Variants in DCAF6 observed in about 807,000 individuals in gnomAD.
DCAF6 encodes the protein DDB1- and CUL4-associated factor 6.
Under a neutral mutation model 125.1 loss-of-function variants are expected in DCAF6, and 54 were observed. The observed-to-expected ratio is 0.43, with a 90% CI of 0.35 to 0.54. The LOEUF (loss-of-function observed/expected upper bound fraction) is 0.54, where lower values mean the gene tolerates loss of function less well. Ranked by LOEUF, DCAF6 falls within the 20% of genes least tolerant of loss-of-function variation. DCAF6 has a pLI of 0.01. For missense variants in DCAF6, 934 were observed against 1,161.7 expected, an observed-to-expected ratio of 0.80 and a Z score of 2.85; for synonymous variants, 371 against 390.4, an observed-to-expected ratio of 0.95 and a Z score of 0.58.
intron 1 of DCAF6, among the ~76,000 whole-genome samples, chr1:167,951,253 GAT>G (rs1374414305): frequency 6.6e-6 from 1 of 152,122 alleles, no homozygotes; most frequent in Non-Finnish European, 1.5e-5. Flanking sequence ...TTGTGGTCCA[GAT>G]ACTGTGCTAA....
intron 11 of DCAF6, among the ~76,000 whole-genome samples, chr1:168,016,743 A>G (rs1216543094): frequency 1.3e-5 from 2 of 152,128 alleles, no homozygotes; most frequent in Non-Finnish European, 2.9e-5. Context: ...TAGATACTGT[A>G]AATCCTATAG....
intron 1 of DCAF6, among the ~76,000 whole-genome samples, chr1:167,938,501 C>T (rs182320642): frequency 9.9e-5 from 15 of 152,280 alleles, no homozygotes; most frequent in Admixed American, 8.5e-4. Flanking sequence ...CTACAAGCTT[C>T]TGTGCATTTG....
At chr1:168,071,488 G>A (rs1214701687) in intron 21 of DCAF6, among the ~76,000 whole-genome samples, 1 of 152,140 alleles carries the variant, frequency 6.6e-6, no homozygotes, top group Non-Finnish European at 1.5e-5. Flanking sequence ...ACAAAAATTA[G>A]CTGGACGTGA....
intron 5 of DCAF6, among the ~76,000 whole-genome samples, 170 bp from the exon 6 acceptor site, chr1:167,991,034 C>G (rs1031034765): frequency 6.6e-6 from 1 of 151,182 alleles, no homozygotes; most frequent in African/African-American, 2.4e-5. Flanking sequence ...AGTAGAAATC[C>G]GAAAAAAAAG....
intron 1 of DCAF6, among the ~76,000 whole-genome samples, chr1:167,950,321 A>G (rs1024647043): frequency 6.6e-6 from 1 of 152,192 alleles, no homozygotes; most frequent in African/African-American, 2.4e-5. Flanking sequence ...TATCTTTTTT[A>G]CTGAAGTTAG....
chr1:168,072,681 T>C (rs1278721624), intron 21 of DCAF6, among the ~76,000 whole-genome samples: 1 of 152,108 alleles, frequency 6.6e-6, no homozygotes, highest in African/African-American at 2.4e-5. Flanking sequence ...GTATCAAATC[T>C]CTAGCTAACA....
chr1:168,044,704 T>A (rs1462066901), intron 15 of DCAF6, 33 bp downstream of exon 15: 1 of 1,553,800 alleles, frequency 6.4e-7, no homozygotes, highest in East Asian at 2.2e-5. Flanking sequence ...TTGCTTTGTA[T>A]GGGAAAATAA....
intron 14 of DCAF6, 38 bp from the exon 15 acceptor site, chr1:168,044,547 G>C: frequency 6.8e-7 from 1 of 1,462,108 alleles, no homozygotes; most frequent in East Asian, 2.3e-5. Context: ...AATCCCTCAT[G>C]GATACCAAGG....
chr1:167,895,470 T>A, the DCAF6 span, among the ~76,000 whole-genome samples: 1 of 152,302 alleles, frequency 6.6e-6, no homozygotes, highest in Non-Finnish European at 1.5e-5. Context: ...GACCTGTACA[T>A]AAATGATGAG....
Position 167,969,846 on chromosome 1 carries a change from G to A in DCAF6, c.252+3125G>A, listed in dbSNP as rs1190231479. Among the ~76,000 whole-genome samples the A allele has an allele frequency of 6.6e-5, 10 of 152,122 alleles. No homozygotes were observed. The South Asian group carries it at 2.1e-3, about 32-fold the overall frequency. ...GGCTGGAGTGCAGTGGCACGATCTC[G>A]GCCCACTGCAAACTCTGCCTCCCAG... On this transcript the variant is annotated intron_variant, in intron 3 of 21. Coordinates refer to ENST00000367840, the MANE Select transcript of DCAF6 (RefSeq NM_001198956.2).
At chr1:167,896,638 C>G in the DCAF6 span, 1 of 1,613,778 alleles carries the variant, frequency 6.2e-7, no homozygotes, top group South Asian at 1.1e-5. Context: ...AGGTCGTACA[C>G]TTTGTGAAAA....
At position 168,015,875 on chromosome 1, in the gene DCAF6, T is replaced by C. The variant is rs2103179101; in HGVS notation, c.1473T>C (p.Ala491=). The C allele has an allele frequency of 6.5e-7, 1 of 1,545,148 alleles. No homozygotes were observed. Among genetic ancestry groups the C allele is most frequent in the Non-Finnish European group, 8.7e-7 (1 of 1,144,292 alleles). The change falls in exon 11 of 22, where the codon GCT becomes GCC. Residue 491 remains alanine (A), a synonymous_variant. Coordinates refer to ENST00000367840, the MANE Select transcript of DCAF6 (RefSeq NM_001198956.2). ...AGCAGCAGAGGCAGCAAGAGCTAGC[T>C]GCACATACCCAGCAACAGCCTTCCA... is the stretch of plus-strand genomic sequence containing the variant. ...KAEQQRQQEL[A]AHTQQQPSTS... is the part of the protein sequence containing the mutation.
intron 1 of DCAF6, among the ~76,000 whole-genome samples, chr1:167,943,024 A>G (rs1294838096): frequency 6.6e-6 from 1 of 152,036 alleles, no homozygotes; most frequent in Non-Finnish European, 1.5e-5. Flanking sequence ...CTCCTGCCTC[A>G]GCCTCCCGAG....
At chr1:167,970,769 G>A (rs1431592313) in intron 3 of DCAF6, among the ~76,000 whole-genome samples, 1 of 152,050 alleles carries the variant, frequency 6.6e-6, no homozygotes, top group African/African-American at 2.4e-5. Flanking sequence ...TAGATCCTAT[G>A]ATTTTGTGGG....
In DCAF6 at chr1:167,936,732, G is replaced by A. The variant is rs181165348; in HGVS notation, c.-180G>A. On this transcript the variant is annotated 5_prime_UTR_variant, in exon 1 of 22. Transcript: ENST00000367840. ...GAGAGTATGAGGCGAGCTCCGGCCC[G>A]GGTGCGGCCGGGCTTCAGGGGCCCA... 3.3e-6 allele frequency: 2 copies of A among 598,444 alleles called. No individual in the cohort carries two copies. The highest frequency in any genetic ancestry group is 3.0e-6 in the Non-Finnish European group (1 of 334,934). The allele number at this position is 598,444 out of a possible 1,614,324, so 37.1% of individuals were successfully genotyped here.
chr1:168,032,825 T>C (rs1283362104), intron 12 of DCAF6, among the ~76,000 whole-genome samples: 1 of 152,188 alleles, frequency 6.6e-6, no homozygotes, highest in African/African-American at 2.4e-5. Flanking sequence ...ATGGTGGTTC[T>C]AAAGAAATTA....
the DCAF6 span, chr1:167,875,069 A>T: frequency 7.8e-7 from 1 of 1,274,212 alleles, no homozygotes; most frequent in Non-Finnish European, 1.1e-6. Flanking sequence ...TCATTGATGT[A>T]CTTTTCTGCA....
At chr1:167,941,657 G>T (rs897705647) in intron 1 of DCAF6, among the ~76,000 whole-genome samples, 5 of 152,104 alleles carry the variant, frequency 3.3e-5, no homozygotes, top group African/African-American at 1.2e-4. Context: ...AATTGTTCTA[G>T]ATGGTGTGTA....
At chr1:168,055,780 GTT>G (rs35286371) in intron 17 of DCAF6, 47 of 696,004 alleles carry the variant, frequency 6.8e-5, no homozygotes, top group African/African-American at 9.5e-5. Flanking sequence ...GTTAACAGTA[GTT>G]TTTTTTTCCC....
Sources: allele counts gnomAD v4.1 joint callset (sites outside exome capture counted in the v4.1 genomes callset), GRCh38; gene constraint gnomAD v4.1.1; transcripts MANE v1.5; gene names NCBI Gene and HGNC (gene_info 2026-07-23, HGNC 2026-07-21).